Variants in PRDM1 observed in about 807,000 individuals in gnomAD.
The protein encoded by PRDM1 is PR domain zinc finger protein 1.
A neutral mutation model predicts 62.8 loss-of-function variants in PRDM1; 13 were observed. That is an observed-to-expected ratio of 0.21 (90% CI 0.13 to 0.33). PRDM1 has a LOEUF of 0.33. Among genes scored for constraint, PRDM1 ranks in the 10% least tolerant of loss-of-function variants. The probability of loss-of-function intolerance (pLI) is 1.00; values close to 1 mark genes in which losing one functional copy is unlikely to be tolerated. For missense variants in PRDM1, 895 were observed against 1,058.8 expected (o/e 0.85, Z 2.15); for synonymous variants, 396 against 417.6 (o/e 0.95, Z 0.63).
chr6:106,067,729 G>T (rs929970903), intron 1 of PRDM1, among the ~76,000 whole-genome samples: 4 of 152,186 alleles, frequency 2.6e-5, no homozygotes, highest in Non-Finnish European at 5.9e-5. Context: ...GGGAGGAATG[G>T]GGAGTTATTG....
At chr6:106,038,014 C>CTTTTTTTTTTTTTTCTTTTTTTTTTT (rs1772945434) in intron 1 of PRDM1, among the ~76,000 whole-genome samples, 1 of 47,800 alleles carries the variant, frequency 2.1e-5, no homozygotes, top group Non-Finnish European at 3.5e-5. Flanking sequence ...CTATTTTTGT[C>CTTTTTTTTTTTTTTCTTTTTTTTTTT]TTTTTTTTTT....
chr6:106,074,263 T>C (rs1773565984), intron 1 of PRDM1, among the ~76,000 whole-genome samples: 1 of 152,186 alleles, frequency 6.6e-6, no homozygotes, highest in South Asian at 2.1e-4. Flanking sequence ...AAAAGAAAAT[T>C]ACTTTCCCTG....
chr6:106,105,580 G>A lies in PRDM1; in HGVS notation c.1420G>A (p.Gly474Arg). ...TSLPSSLPSD[G>R]ARRLLQPEHP... is the part of the protein sequence containing the mutation. The stretch of plus-strand genomic sequence containing the variant: ...TCTCCCGAGCTCGCTGCCCTCAGAT[G>A]GAGCCCGGAGGTTGCTCCAGCCGGA... Residue 474 changes from glycine (G) to arginine (R), a missense_variant, in exon 5 of 7, where the codon GGA (glycine) becomes AGA (arginine). Coordinates refer to ENST00000369096, the MANE Select transcript of PRDM1 (RefSeq NM_001198.4). 1 of 1,612,782 alleles carries A rather than the reference G, an allele frequency of 6.2e-7. No homozygotes were observed. Among genetic ancestry groups the A allele is most frequent in the Non-Finnish European group, 8.5e-7 (1 of 1,179,054 alleles).
chr6:106,092,329 TG>T (rs1292595890), intron 2 of PRDM1, among the ~76,000 whole-genome samples: 1 of 152,280 alleles, frequency 6.6e-6, no homozygotes, highest in African/African-American at 2.4e-5. Flanking sequence ...GAAACAAATC[TG>T]CTCAAGTGGT....
chr6:106,069,837 G>A (rs1773483330), intron 1 of PRDM1, among the ~76,000 whole-genome samples: 1 of 152,202 alleles, frequency 6.6e-6, no homozygotes, highest in Non-Finnish European at 1.5e-5. Flanking sequence ...GGGAAATGAG[G>A]AGTTGGTCTC....
chr6:106,081,324 G>A (rs2080580579), upstream of PRDM1, among the ~76,000 whole-genome samples: 1 of 152,164 alleles, frequency 6.6e-6, no homozygotes, highest in African/African-American at 2.4e-5. Flanking sequence ...TCCAGTAAGT[G>A]CTTAGGATCC....
intron 1 of PRDM1, among the ~76,000 whole-genome samples, chr6:106,055,962 G>C (rs945756157): frequency 5.1e-4 from 78 of 152,150 alleles, no homozygotes; most frequent in African/African-American, 1.8e-3. Context: ...AATTAAAGCT[G>C]TGTGTGGGAG....
intron 1 of PRDM1, among the ~76,000 whole-genome samples, chr6:106,027,354 G>T (rs367554683): frequency 6.6e-6 from 1 of 152,170 alleles, no homozygotes; most frequent in Non-Finnish European, 1.5e-5. Context: ...TAGAAAGAAG[G>T]GGGGAAAAAC....
chr6:106,053,790 T>C (rs1415000703), intron 1 of PRDM1, among the ~76,000 whole-genome samples: 2 of 152,084 alleles, frequency 1.3e-5, no homozygotes, highest in East Asian at 1.9e-4. Flanking sequence ...TTTTTCGTGG[T>C]TTATTTTACC....
At chr6:106,087,344 T>C (rs532770830) in intron 1 of PRDM1, among the ~76,000 whole-genome samples, 19 of 152,318 alleles carry the variant, frequency 1.2e-4, no homozygotes, top group African/African-American at 4.6e-4. Flanking sequence ...TTCATACACT[T>C]TCAGATTTAA....
At chr6:106,048,601 T>TG (rs1233649068) in exon 1 of PRDM1, among the ~76,000 whole-genome samples, 3 of 152,140 alleles carry the variant, frequency 2.0e-5, no homozygotes, top group Non-Finnish European at 2.9e-5. Context: ...CTGATATCCT[T>TG]GAAAAAGACA....
In PRDM1 at chr6:106,108,521, C is replaced by CTTTTTTTTTTTTTTTTTTTTTTT. The variant is rs5878868; in HGVS notation, c.*1056_*1057insTTTTTTTTTTTTTTTTTTTTTTT. ...GGTGTTTTGTTGTTGGTTTTTGTTG[C>CTTTTTTTTTTTTTTTTTTTTTTT]TTTTTTTTTTTTTTTTTTTTTAATG... On this transcript the variant is annotated 3_prime_UTR_variant, in exon 7 of 7. Transcript: ENST00000369096. The CTTTTTTTTTTTTTTTTTTTTTTT allele has an allele frequency of 7.4e-6, 1 of 135,152 alleles. No individual in the cohort carries two copies. Among genetic ancestry groups the CTTTTTTTTTTTTTTTTTTTTTTT allele is most frequent in the Non-Finnish European group, 1.3e-5 (1 of 77,744 alleles). The allele number at this position is 135,152 out of a possible 1,614,324, so 8.4% of individuals were successfully genotyped here.
chr6:106,035,413 G>A (rs1163844017), intron 1 of PRDM1, among the ~76,000 whole-genome samples: 1 of 152,096 alleles, frequency 6.6e-6, no homozygotes, highest in Non-Finnish European at 1.5e-5. Flanking sequence ...CTTGAGGCCA[G>A]GAGTTCAAGA....
intron 1 of PRDM1, among the ~76,000 whole-genome samples, chr6:105,999,153 G>A (rs1468119346): frequency 6.6e-6 from 1 of 151,732 alleles, no homozygotes; most frequent in Non-Finnish European, 1.5e-5. Flanking sequence ...TGCCCAGGTT[G>A]GTCTCAAACT....
chr6:106,070,895 G>A (rs1773503385), intron 1 of PRDM1, among the ~76,000 whole-genome samples: 2 of 152,198 alleles, frequency 1.3e-5, no homozygotes, highest in Non-Finnish European at 2.9e-5. Flanking sequence ...TTATTCTGAA[G>A]GCAATCTTCC....
intron 1 of PRDM1, among the ~76,000 whole-genome samples, chr6:106,080,646 T>C (rs1189672452): frequency 6.6e-6 from 1 of 152,222 alleles, no homozygotes; most frequent in Non-Finnish European, 1.5e-5. Flanking sequence ...ATTTATCAGC[T>C]TTAATTGTCT....
At chr6:106,025,572 A>G (rs1311980277) in intron 1 of PRDM1, among the ~76,000 whole-genome samples, 3 of 152,214 alleles carry the variant, frequency 2.0e-5, no homozygotes, top group Admixed American at 1.3e-4. Flanking sequence ...GCTTTTTAGA[A>G]TAAATATTTC....
At chr6:106,095,348 A>G (rs1774082393) in intron 2 of PRDM1, among the ~76,000 whole-genome samples, 1 of 152,214 alleles carries the variant, frequency 6.6e-6, no homozygotes, top group South Asian at 2.1e-4. Flanking sequence ...AATGATAAAA[A>G]TAAAAGATCC....
At chr6:106,042,412 A>G (rs572157833) in intron 1 of PRDM1, among the ~76,000 whole-genome samples, 14 of 151,892 alleles carry the variant, frequency 9.2e-5, no homozygotes, top group Non-Finnish European at 1.9e-4. Context: ...CTGTAATCCC[A>G]GCTACTCGGG....
Sources: gnomAD v4.1 joint callset for allele counts (sites outside exome capture counted in the v4.1 genomes callset) on GRCh38, gnomAD v4.1.1 for gene constraint, MANE v1.5 for transcripts, NCBI Gene and HGNC (gene_info 2026-07-23, HGNC 2026-07-21) for gene names.